TAFA2: variants seen among roughly 807,000 people sequenced by gnomAD.
The protein encoded by TAFA2 is chemokine-like protein TAFA-2.
In TAFA2, 7 loss-of-function variants were observed where a neutral mutation model predicts 18.8. The ratio of observed to expected loss-of-function variants is 0.37; its 90% confidence interval spans 0.21 to 0.70. The LOEUF (loss-of-function observed/expected upper bound fraction) is 0.70. Ranked by LOEUF, TAFA2 falls within the 30% of genes least tolerant of loss-of-function variation. TAFA2 has a pLI of 0.53. For missense variants in TAFA2, 122 were observed against 158.1 expected (o/e 0.77, Z 1.23); for synonymous variants, 60 against 54.2 (o/e 1.11, Z -0.47).
intron 1 of TAFA2, among the ~76,000 whole-genome samples, chr12:62,256,986 C>T (rs944870843): frequency 2.8e-4 from 43 of 151,674 alleles, no homozygotes; most frequent in African/African-American, 9.9e-4. Context: ...GGGTCGTGGG[C>T]GGGAATAACT....
At chr12:61,979,720 T>C (rs1389839192) in intron 1 of TAFA2, among the ~76,000 whole-genome samples, 1 of 151,724 alleles carries the variant, frequency 6.6e-6, no homozygotes, top group East Asian at 1.9e-4. Context: ...AAAACCAATC[T>C]TAAAGAGAAA....
At chr12:62,105,052 T>C (rs1869386242) in intron 1 of TAFA2, 1 of 183,750 alleles carries the variant, frequency 5.4e-6, no homozygotes, top group South Asian at 1.0e-4. Context: ...AAGGTCTCCC[T>C]TTTTTTTGTT....
intron 1 of TAFA2, among the ~76,000 whole-genome samples, chr12:61,909,705 A>G (rs1367172163): frequency 6.6e-6 from 1 of 152,168 alleles, no homozygotes; most frequent in Non-Finnish European, 1.5e-5. Flanking sequence ...GAATAGGGAA[A>G]CCAGGAATTG....
At chr12:62,089,249 G>A (rs901512618) in intron 1 of TAFA2, among the ~76,000 whole-genome samples, 8 of 152,020 alleles carry the variant, frequency 5.3e-5, no homozygotes, top group African/African-American at 1.9e-4. Context: ...AAAGTGATGG[G>A]TAATTGACTG....
chr12:62,001,998 T>G (rs563359422), intron 1 of TAFA2, among the ~76,000 whole-genome samples: 1 of 152,162 alleles, frequency 6.6e-6, no homozygotes, highest in Non-Finnish European at 1.5e-5. Flanking sequence ...GCCAGATGGT[T>G]TGATCACCAA....
chr12:62,251,348 A>G (rs2062912924), intron 1 of TAFA2, among the ~76,000 whole-genome samples: 1 of 152,208 alleles, frequency 6.6e-6, no homozygotes, highest in African/African-American at 2.4e-5. Flanking sequence ...AAGCATAAGA[A>G]AGTGGTGAGC....
At chr12:61,894,367 C>A (rs1401072492) in intron 1 of TAFA2, among the ~76,000 whole-genome samples, 3 of 152,152 alleles carry the variant, frequency 2.0e-5, no homozygotes, top group Non-Finnish European at 4.4e-5. Context: ...TGGGAACCAA[C>A]CTTTGGACCT....
At chr12:61,759,602 T>C (rs1869440374) in intron 2 of TAFA2, among the ~76,000 whole-genome samples, 1 of 151,972 alleles carries the variant, frequency 6.6e-6, no homozygotes, top group African/African-American at 2.4e-5. Context: ...AGGATGTTCT[T>C]TGTTACTGCG....
intron 2 of TAFA2, among the ~76,000 whole-genome samples, chr12:61,843,902 T>C (rs1005892580): frequency 5.3e-5 from 8 of 152,134 alleles, no homozygotes; most frequent in African/African-American, 1.9e-4. Flanking sequence ...TTATTAGGGC[T>C]TAGAGCACAT....
intron 1 of TAFA2, among the ~76,000 whole-genome samples, chr12:62,239,898 T>C (rs1012087057): frequency 6.6e-6 from 1 of 152,176 alleles, no homozygotes; most frequent in Non-Finnish European, 1.5e-5. Context: ...TGTTGTTGTT[T>C]TAAGCCACTA....
At position 61,916,096 on chromosome 12, in the gene TAFA2, A is replaced by C. The variant is rs556113616; in HGVS notation, c.-1-48670T>G. The stretch of plus-strand genomic sequence containing the variant: ...GGATCTTCAGCCTTTCGTCATAAGA[A>C]ATGTCATGAAGCCCTTTGTCACTGA... On this transcript the variant is annotated intron_variant, in intron 1 of 4. Coordinates refer to ENST00000416284, the MANE Select transcript of TAFA2 (RefSeq NM_178539.5). 4.6e-5 allele frequency among the ~76,000 whole-genome samples: 7 copies of C among 152,320 alleles called. No homozygotes were observed. The South Asian group carries it at 1.2e-3, about 27-fold the overall frequency.
chr12:61,977,104 T>C (rs984776492), intron 1 of TAFA2, among the ~76,000 whole-genome samples: 4 of 151,948 alleles, frequency 2.6e-5, no homozygotes, highest in Admixed American at 6.6e-5. Flanking sequence ...AATGGGGTCA[T>C]TTAAAAACTT....
At chr12:62,248,623 A>G (rs2062897837) in intron 1 of TAFA2, among the ~76,000 whole-genome samples, 1 of 152,252 alleles carries the variant, frequency 6.6e-6, no homozygotes, top group Admixed American at 6.5e-5. Context: ...CAAGTCGTCA[A>G]GCAGATCTCT....
At chr12:61,731,987 G>A (rs1489239421) in intron 4 of TAFA2, among the ~76,000 whole-genome samples, 1 of 152,062 alleles carries the variant, frequency 6.6e-6, no homozygotes, top group Admixed American at 6.6e-5. Flanking sequence ...TATCTACAGA[G>A]GCAGGCAAAC....
intron 1 of TAFA2, among the ~76,000 whole-genome samples, chr12:62,159,184 G>A (rs1041132581): frequency 6.6e-6 from 1 of 152,186 alleles, no homozygotes; most frequent in Non-Finnish European, 1.5e-5. Context: ...TAAGGTTGAA[G>A]TTGTTTCCTT....
chr12:61,918,930 TG>T (rs1337745927), intron 1 of TAFA2, among the ~76,000 whole-genome samples: 1 of 152,220 alleles, frequency 6.6e-6, no homozygotes, highest in African/African-American at 2.4e-5. Flanking sequence ...ACCTGGCCTT[TG>T]CCTGTGCTAG....
intron 1 of TAFA2, among the ~76,000 whole-genome samples, chr12:62,139,240 T>G (rs1359706145): frequency 6.6e-6 from 1 of 152,176 alleles, no homozygotes; most frequent in Non-Finnish European, 1.5e-5. Context: ...AGCAAGATAG[T>G]CAGTATTATA....
At chr12:61,724,753 G>A (rs1870063967) in intron 4 of TAFA2, among the ~76,000 whole-genome samples, 2 of 40,956 alleles carry the variant, frequency 4.9e-5, no homozygotes, top group Admixed American at 5.7e-4. Context: ...GTATGTCTAT[G>A]TGTGTGTGTG....
intron 1 of TAFA2, among the ~76,000 whole-genome samples, chr12:61,916,653 T>C (rs1301104767): frequency 6.6e-6 from 1 of 152,220 alleles, no homozygotes; most frequent in Non-Finnish European, 1.5e-5. Flanking sequence ...TTTCTTGGCT[T>C]AGTAACTCAC....
Sources: allele counts gnomAD v4.1 joint callset (sites outside exome capture counted in the v4.1 genomes callset), GRCh38; gene constraint gnomAD v4.1.1; transcripts MANE v1.5; gene names NCBI Gene and HGNC (gene_info 2026-07-23, HGNC 2026-07-21).